The following GRID2 variants were observed in gnomAD, a reference collection of about 807,000 sequenced individuals.
The protein encoded by GRID2 is glutamate receptor ionotropic, delta-2.
In GRID2, 33 loss-of-function variants were observed where a neutral mutation model predicts 114.8. That is an observed-to-expected ratio of 0.29 (90% CI 0.22 to 0.38). The LOEUF is 0.38. GRID2 is among the 10% of genes least tolerant of loss of function. The pLI is 1.00. For synonymous variants in GRID2, 505 were observed against 449.9 expected (o/e 1.12, Z -1.55); for missense variants, 1,184 against 1,257.7 (o/e 0.94, Z 0.89).
chr4:92,635,241 T>C (rs1332497115), intron 2 of GRID2, among the ~76,000 whole-genome samples: 1 of 152,092 alleles, frequency 6.6e-6, no homozygotes, highest in East Asian at 1.9e-4. Context: ...TTGAGTTTGA[T>C]TTCGGCTGTT....
intron 14 of GRID2, among the ~76,000 whole-genome samples, chr4:93,704,352 T>C (rs1169706474): frequency 6.6e-6 from 1 of 152,182 alleles, no homozygotes; most frequent in Non-Finnish European, 1.5e-5. Context: ...TGTTTGTTTT[T>C]TTCTTGTAAA....
intron 2 of GRID2, among the ~76,000 whole-genome samples, chr4:92,945,072 A>C (rs895180769): frequency 6.6e-6 from 1 of 152,140 alleles, no homozygotes; most frequent in African/African-American, 2.4e-5. Flanking sequence ...CTGATAACTA[A>C]GTTTGAAATT....
intron 2 of GRID2, among the ~76,000 whole-genome samples, chr4:92,706,426 G>A (rs1734960596): frequency 6.6e-6 from 1 of 152,118 alleles, no homozygotes; most frequent in African/African-American, 2.4e-5. Flanking sequence ...ATCAAGTAAA[G>A]TTTGTACTAA....
At chr4:93,468,693 CTT>C (rs1724521254) in intron 11 of GRID2, among the ~76,000 whole-genome samples, 2 of 152,016 alleles carry the variant, frequency 1.3e-5, no homozygotes, top group African/African-American at 4.8e-5. Flanking sequence ...CCTTTGTAGA[CTT>C]TCACATTTAC....
At chr4:92,648,411 G>A (rs909776985) in intron 2 of GRID2, among the ~76,000 whole-genome samples, 1 of 148,994 alleles carries the variant, frequency 6.7e-6, no homozygotes, top group Non-Finnish European at 1.5e-5. Flanking sequence ...GGAATATTTT[G>A]TCACCTCTCC....
At chr4:92,663,254 A>G (rs191682962) in intron 2 of GRID2, among the ~76,000 whole-genome samples, 1 of 151,368 alleles carries the variant, frequency 6.6e-6, no homozygotes, top group East Asian at 1.9e-4. Context: ...ATTTACTAAT[A>G]GTATCATCTT....
chr4:92,540,729 G>C (rs1460852932), intron 1 of GRID2, among the ~76,000 whole-genome samples: 7 of 152,172 alleles, frequency 4.6e-5, no homozygotes, highest in African/African-American at 1.4e-4. Flanking sequence ...GTGGAAGTCA[G>C]TGTGGCAATT....
intron 2 of GRID2, among the ~76,000 whole-genome samples, chr4:92,923,993 C>T (rs1749594430): frequency 6.6e-6 from 1 of 152,122 alleles, no homozygotes; most frequent in South Asian, 2.1e-4. Flanking sequence ...AGACTTGGAA[C>T]CAACCCATAT....
intron 1 of GRID2, among the ~76,000 whole-genome samples, chr4:92,384,498 ATATATAT>A (rs1729788484): frequency 2.4e-5 from 1 of 41,386 alleles, no homozygotes; most frequent in Admixed American, 5.6e-4. Context: ...TATAATAAAA[ATATATAT>A]TATATATAAT....
chr4:92,584,919 A>G (rs567177612), intron 1 of GRID2, among the ~76,000 whole-genome samples: 83 of 152,218 alleles, frequency 5.5e-4, no homozygotes, highest in African/African-American at 1.9e-3. Flanking sequence ...TTTATGAAGC[A>G]TGAGAAGGTT....
In GRID2 at chr4:92,924,999, G is replaced by C. The variant is rs926810064; in HGVS notation, c.245-159996G>C. ...TAAAACAGCCTTTCCCCAAAGGTAA[G>C]CAGCCCTCTTTAAGAGTCTTGCCAC... On this transcript the variant is annotated intron_variant, in intron 2 of 15. Coordinates refer to ENST00000282020, the MANE Select transcript of GRID2 (RefSeq NM_001510.4). Among the ~76,000 whole-genome samples the C allele has an allele frequency of 5.3e-5, 8 of 152,002 alleles. No individual in the cohort carries two copies. In the East Asian group the frequency reaches 1.2e-3, roughly 22 times the overall value.
intron 2 of GRID2, among the ~76,000 whole-genome samples, chr4:92,754,914 CAG>C (rs1314774407): frequency 1.3e-5 from 2 of 152,146 alleles, no homozygotes; most frequent in South Asian, 4.1e-4. Context: ...AACCAAATAA[CAG>C]ATTTAATATT....
At chr4:93,662,143 T>C (rs987138189) in intron 14 of GRID2, among the ~76,000 whole-genome samples, 1 of 152,174 alleles carries the variant, frequency 6.6e-6, no homozygotes, top group Admixed American at 6.5e-5. Context: ...ATTTTTTTTT[T>C]CCAAATATCT....
intron 2 of GRID2, among the ~76,000 whole-genome samples, chr4:92,705,407 A>G (rs1043652883): frequency 6.6e-6 from 1 of 152,220 alleles, no homozygotes; most frequent in African/African-American, 2.4e-5. Context: ...CTTAAGAAAT[A>G]TGAGTGGACA....
At chr4:92,774,702 C>T (rs1738705312) in intron 2 of GRID2, among the ~76,000 whole-genome samples, 1 of 149,216 alleles carries the variant, frequency 6.7e-6, no homozygotes, top group Non-Finnish European at 1.5e-5. Flanking sequence ...CTCAAGTGAT[C>T]CTCCTGCCTC....
intron 2 of GRID2, among the ~76,000 whole-genome samples, chr4:93,006,222 T>C (rs1416586588): frequency 6.6e-6 from 1 of 151,986 alleles, no homozygotes. Context: ...TAAAATTACC[T>C]CAGCAAAGTA....
intron 8 of GRID2, among the ~76,000 whole-genome samples, chr4:93,376,746 A>ACAG (rs1323035780): frequency 3.3e-5 from 5 of 152,180 alleles, no homozygotes; most frequent in Non-Finnish European, 4.4e-5. Flanking sequence ...ACATGTTCTC[A>ACAG]CTTATAAGTG....
chr4:93,086,756 T>G (rs1730360914), intron 3 of GRID2, among the ~76,000 whole-genome samples: 1 of 152,174 alleles, frequency 6.6e-6, no homozygotes, highest in Admixed American at 6.5e-5. Flanking sequence ...AAGTAAGGAT[T>G]GAACTCAACA....
At chr4:93,238,593 T>A in intron 8 of GRID2, 103 bp downstream of exon 8, 1 of 859,538 alleles carries the variant, frequency 1.2e-6, no homozygotes, top group Non-Finnish European at 1.7e-6. Flanking sequence ...GTCAATATTG[T>A]AGTGTGAAAG....
Sources: allele counts gnomAD v4.1 joint callset (sites outside exome capture counted in the v4.1 genomes callset), GRCh38; gene constraint gnomAD v4.1.1; transcripts MANE v1.5; gene names NCBI Gene and HGNC (gene_info 2026-07-23, HGNC 2026-07-21).